Variants in RPH3AL observed in about 807,000 individuals in gnomAD.
The protein encoded by RPH3AL is rab effector Noc2.
A neutral mutation model predicts 43.1 loss-of-function variants in RPH3AL; 38 were observed. The ratio of observed to expected loss-of-function variants is 0.88; its 90% CI spans 0.68 to 1.15. The LOEUF is 1.15. Among genes scored for constraint, RPH3AL ranks in the 50% most tolerant of loss-of-function variants. The probability of loss-of-function intolerance (pLI) is 0.00; values close to 1 mark genes in which losing one functional copy is unlikely to be tolerated. For synonymous variants in RPH3AL, 189 were observed against 176.3 expected, an observed-to-expected ratio of 1.07 and a Z score of -0.57; for missense variants, 462 against 423.2, an observed-to-expected ratio of 1.09 and a Z score of -0.81.
chr17:247,053 G>A, intron 7 of RPH3AL, 58 bp downstream of exon 7: 1 of 1,594,694 alleles, frequency 6.3e-7, no homozygotes, highest in East Asian at 2.2e-5. Context: ...AAACTGCCGG[G>A]CTGGCTAATG....
At chr17:306,910 G>A (rs991358090) in intron 5 of RPH3AL, among the ~76,000 whole-genome samples, 4 of 151,630 alleles carry the variant, frequency 2.6e-5, no homozygotes, top group African/African-American at 9.7e-5. Flanking sequence ...AGCTGCGCCC[G>A]ATGCCCCCAC....
chr17:247,609 C>T, intron 6 of RPH3AL: 4 of 314,896 alleles, frequency 1.3e-5, no homozygotes, highest in South Asian at 1.5e-4. Flanking sequence ...CCTCAGTCTC[C>T]TCAGCAGCTG....
chr17:316,335 C>T (rs542601196), intron 5 of RPH3AL, among the ~76,000 whole-genome samples: 150 of 150,534 alleles, frequency 1.0e-3, no homozygotes, highest in Admixed American at 1.8e-3. Flanking sequence ...GCTCCACCTC[C>T]ACTGACCTGT....
rs551246019 is a variant in RPH3AL, at chr17:218,769, C to T, written c.727+854G>A. ...GCTCAGGGATCTCCAAGTCAGAAGGCGCTTTGGAGGCCACCCGTTCTGTCT... is the reference window on the plus strand; with the variant it reads ...GCTCAGGGATCTCCAAGTCAGAAGGTGCTTTGGAGGCCACCCGTTCTGTCT... On this transcript the variant is annotated intron_variant, in intron 8 of 9. Coordinates refer to ENST00000331302, the MANE Select transcript of RPH3AL (RefSeq NM_006987.4). Among the ~76,000 whole-genome samples the T allele has an allele frequency of 9.2e-5, 14 of 152,270 alleles. No individual in the cohort carries two copies. The South Asian group carries it at 2.3e-3, about 25-fold the overall frequency.
At chr17:273,127 C>CGTCAGGGAGAGACCCCGGCGAGGGTGAT (rs2042549068) in intron 6 of RPH3AL, among the ~76,000 whole-genome samples, 1 of 67,950 alleles carries the variant, frequency 1.5e-5, no homozygotes, top group Admixed American at 1.5e-4. Flanking sequence ...GCGAGGGTGA[C>CGTCAGGGAGAGACCCCGGCGAGGGTGAT]GTCAGGGAGA....
At chr17:314,855 T>C (rs1343904272) in intron 5 of RPH3AL, among the ~76,000 whole-genome samples, 34 of 127,762 alleles carry the variant, frequency 2.7e-4, no homozygotes, top group African/African-American at 1.1e-3. Flanking sequence ...TGACCTGTAG[T>C]CCCTGTGCCC....
At position 274,741 on chromosome 17, in the gene RPH3AL, G is replaced by A. The variant is rs929208334; in HGVS notation, c.438+7027C>T. ...GAGGAGACGCCTTGGAGTCAATCCT[G>A]GGTCTGCGGGGCTTAGGCTGCTGCA... On this transcript the variant is annotated intron_variant, in intron 6 of 9. Coordinates refer to ENST00000331302, the MANE Select transcript of RPH3AL (RefSeq NM_006987.4). This position sits in a 1 kb window ranked among gnomAD's most constrained non-coding sequence, Gnocchi z 4.7. 1.3e-5 allele frequency among the ~76,000 whole-genome samples: 2 copies of A among 152,182 alleles called. No individual in the cohort carries two copies. The highest frequency in any genetic ancestry group is 6.5e-5 in the Admixed American group (1 of 15,272).
At position 238,866 on chromosome 17, in the gene RPH3AL, T is replaced by C. The variant is rs561589868; in HGVS notation, c.613+8245A>G. 2.0e-5 allele frequency among the ~76,000 whole-genome samples: 3 copies of C among 152,298 alleles called. No individual in the cohort carries two copies. In the South Asian group the frequency reaches 6.2e-4, roughly 32 times the overall value. ...GGCCCACAGCACCGGTGCCGCCATT[T>C]ACACCTCATATACCACAGGGGACCT... On this transcript the variant is annotated intron_variant, in intron 7 of 9. Transcript: ENST00000331302.
chr17:272,979 AAGGGCTACGTCAGGGTGAGACCCCAGCG>A (rs1567604431), intron 6 of RPH3AL, among the ~76,000 whole-genome samples: 550 of 42,636 alleles, frequency 0.013, 12 homozygotes, highest in African/African-American at 0.04. Flanking sequence ...AGACCCCAGC[AAGGGCTACGTCAGGGTGAGACCCCAGCG>A]AGGGCGACAT....
At chr17:285,231 A>G (rs943430865) in intron 5 of RPH3AL, among the ~76,000 whole-genome samples, 1 of 152,102 alleles carries the variant, frequency 6.6e-6, no homozygotes, top group African/African-American at 2.4e-5. Context: ...ATCCTGCGCT[A>G]TCACCAGATC....
chr17:252,266 C>T (rs919902750), intron 6 of RPH3AL, among the ~76,000 whole-genome samples: 3 of 152,156 alleles, frequency 2.0e-5, no homozygotes, highest in Admixed American at 6.5e-5. Flanking sequence ...CGAGCCACCA[C>T]GCCTAGCCTC....
intron 6 of RPH3AL, among the ~76,000 whole-genome samples, chr17:260,559 A>C (rs1284612908): frequency 6.6e-6 from 1 of 152,120 alleles, no homozygotes; most frequent in Non-Finnish European, 1.5e-5. Flanking sequence ...CAAGCTCCAG[A>C]CTGAATCAGT....
At position 214,451 on chromosome 17, in the gene RPH3AL, T is replaced by C. The variant is rs368438473; in HGVS notation, c.877-528A>G. On this transcript the variant is annotated intron_variant, in intron 9 of 9. Transcript: ENST00000331302. ...GTGAACCATATTGAACTGCCGATAT[T>C]TCACTGTTTTTGAACCACAAAAATG... is the stretch of plus-strand genomic sequence containing the variant. Among the ~76,000 whole-genome samples, 5 of 152,254 alleles carry C rather than the reference T, an allele frequency of 3.3e-5. 1 individual carries two copies. The highest frequency in any genetic ancestry group is 1.9e-4 in the East Asian group (1 of 5,166).
chr17:302,804 T>C (rs1439725928), intron 5 of RPH3AL, among the ~76,000 whole-genome samples: 3 of 152,204 alleles, frequency 2.0e-5, no homozygotes, highest in Non-Finnish European at 2.9e-5. Flanking sequence ...GTTTTTGATA[T>C]CTTATTAAGT....
chr17:293,480 CG>C (rs1437967430), intron 5 of RPH3AL, among the ~76,000 whole-genome samples: 1 of 101,852 alleles, frequency 9.8e-6, no homozygotes, highest in African/African-American at 3.7e-5. Context: ...GCCGGGGCTC[CG>C]GGGGTGGGGC....
At chr17:219,266 T>C (rs2040891065) in intron 8 of RPH3AL, among the ~76,000 whole-genome samples, 1 of 125,500 alleles carries the variant, frequency 8.0e-6, no homozygotes, top group Non-Finnish European at 1.6e-5. Context: ...TGATGCAATC[T>C]GGGCTCACAT....
At chr17:253,566 G>C (rs572355204) in intron 6 of RPH3AL, among the ~76,000 whole-genome samples, 2 of 152,258 alleles carry the variant, frequency 1.3e-5, no homozygotes, top group Admixed American at 6.5e-5. Flanking sequence ...ATCACCTGAA[G>C]TGCAACCCAT....
intron 6 of RPH3AL, among the ~76,000 whole-genome samples, chr17:280,251 G>A (rs558001910): frequency 2.6e-4 from 39 of 152,326 alleles, no homozygotes; most frequent in Middle Eastern, 3.4e-3. Flanking sequence ...ACCCTTGGGA[G>A]GTGGGGGACC....
At chr17:321,139 G>T in intron 4 of RPH3AL, 133 bp downstream of exon 4, 1 of 1,152,318 alleles carries the variant, frequency 8.7e-7, no homozygotes, top group Non-Finnish European at 1.2e-6. Context: ...AAGGGCTGGA[G>T]TCAGGGACCT....
Sources: allele counts gnomAD v4.1 joint callset (sites outside exome capture counted in the v4.1 genomes callset), GRCh38; gene constraint gnomAD v4.1.1; non-coding constraint Gnocchi (gnomAD v3.1); transcripts MANE v1.5; gene names NCBI Gene and HGNC (gene_info 2026-07-23, HGNC 2026-07-21).